SCN8A: variants seen among roughly 807,000 people sequenced by gnomAD.
SCN8A encodes the protein sodium voltage-gated channel alpha subunit 8.
SCN8A carries 30 observed loss-of-function variants against 184.1 expected under a neutral mutation model. That is an observed-to-expected ratio of 0.16 (90% CI 0.12 to 0.22). The LOEUF (loss-of-function observed/expected upper bound fraction) is 0.22. SCN8A is among the 10% of genes least tolerant of loss of function. The pLI is 1.00. For missense variants in SCN8A, 1,057 were observed against 2,498.9 expected (o/e 0.42, Z 12.30); for synonymous variants, 852 against 907.0 (o/e 0.94, Z 1.09).
chr12:51,639,981 C>T (rs1397363953), intron 1 of SCN8A, among the ~76,000 whole-genome samples: 2 of 136,300 alleles, frequency 1.5e-5, no homozygotes, highest in African/African-American at 5.5e-5. Context: ...AATCATGGCC[C>T]ACTGCAGCCT....
intron 26 of SCN8A, among the ~76,000 whole-genome samples, chr12:51,803,762 C>G (rs917787766): frequency 6.6e-6 from 1 of 152,096 alleles, no homozygotes; most frequent in Non-Finnish European, 1.5e-5. Flanking sequence ...AATTGAGAAG[C>G]TGAGAAATCA....
chr12:51,710,550 T>C (rs1565895609), intron 11 of SCN8A, among the ~76,000 whole-genome samples: 1 of 152,088 alleles, frequency 6.6e-6, no homozygotes, highest in Non-Finnish European at 1.5e-5. Context: ...TCCCAGCTAC[T>C]CCGGAGTCTG....
intron 14 of SCN8A, among the ~76,000 whole-genome samples, chr12:51,753,886 A>G (rs961487617): frequency 6.6e-6 from 1 of 152,170 alleles, no homozygotes; most frequent in African/African-American, 2.4e-5. Flanking sequence ...GAATAAGAGG[A>G]TGGAAAAAAA....
chr12:51,607,780 C>G (rs532081615), intron 1 of SCN8A, among the ~76,000 whole-genome samples: 1 of 152,266 alleles, frequency 6.6e-6, no homozygotes, highest in African/African-American at 2.4e-5. Flanking sequence ...ATGAAACCCA[C>G]TTGATCATGG....
intron 1 of SCN8A, among the ~76,000 whole-genome samples, chr12:51,630,209 A>G (rs954306351): frequency 4.2e-4 from 64 of 152,016 alleles, no homozygotes; most frequent in African/African-American, 1.5e-3. Flanking sequence ...AGCACCATCC[A>G]TTTCCAGAAG....
At chr12:51,643,675 C>T (rs958322298) in intron 1 of SCN8A, among the ~76,000 whole-genome samples, 6 of 152,148 alleles carry the variant, frequency 3.9e-5, no homozygotes, top group African/African-American at 1.4e-4. Flanking sequence ...CTCATTCCTG[C>T]TTCAACCAGA....
At chr12:51,640,709 G>A (rs932314696) in intron 1 of SCN8A, among the ~76,000 whole-genome samples, 2 of 152,180 alleles carry the variant, frequency 1.3e-5, no homozygotes, top group Non-Finnish European at 2.9e-5. Flanking sequence ...TGATGTTTCT[G>A]AGGAGAAAGG....
chr12:51,650,766 C>T (rs1940694369), intron 1 of SCN8A, among the ~76,000 whole-genome samples: 1 of 152,148 alleles, frequency 6.6e-6, no homozygotes, highest in African/African-American at 2.4e-5. Context: ...CCGAGACCAG[C>T]TCGGTCGGGG....
At chr12:51,593,607 T>G (rs1939280275) in intron 1 of SCN8A, among the ~76,000 whole-genome samples, 1 of 152,166 alleles carries the variant, frequency 6.6e-6, no homozygotes, top group Non-Finnish European at 1.5e-5. Context: ...TGTATTCAGG[T>G]TTCTTGCTGT....
chr12:51,645,611 A>G (rs1251088823), intron 1 of SCN8A, among the ~76,000 whole-genome samples: 2 of 152,192 alleles, frequency 1.3e-5, no homozygotes, highest in African/African-American at 4.8e-5. Flanking sequence ...TTCTGTACTA[A>G]GAAAAATTCT....
chr12:51,630,406 C>T (rs1940173767), intron 1 of SCN8A, among the ~76,000 whole-genome samples: 1 of 152,058 alleles, frequency 6.6e-6, no homozygotes, highest in Admixed American at 6.6e-5. Flanking sequence ...AGCATAATGT[C>T]TTCAAGGGTG....
chr12:51,616,932 A>C (rs1303150421), intron 1 of SCN8A, among the ~76,000 whole-genome samples: 3 of 152,028 alleles, frequency 2.0e-5, no homozygotes, highest in Non-Finnish European at 4.4e-5. Flanking sequence ...AAAAAAAAAA[A>C]AGTTTTACTG....
intron 21 of SCN8A, among the ~76,000 whole-genome samples, chr12:51,785,674 T>A (rs932972802): frequency 2.6e-5 from 4 of 152,334 alleles, no homozygotes; most frequent in African/African-American, 7.2e-5. Context: ...GCTTTTTTTT[T>A]ATTCCTGAGC....
Position 51,808,028 on chromosome 12 carries a change from T to TAA in SCN8A, c.*599_*600insAA, listed in dbSNP as rs1938767078. 6.0e-6 allele frequency: 1 copy of TAA among 167,716 alleles called. No individual in the cohort carries two copies. Among genetic ancestry groups the TAA allele is most frequent in the Non-Finnish European group, 1.3e-5 (1 of 76,046 alleles). The allele number at this position is 167,716 out of a possible 1,614,324, so 10.4% of individuals were successfully genotyped here. On this transcript the variant is annotated 3_prime_UTR_variant, in exon 27 of 27. Transcript: ENST00000627620. ...AGGTTTCTTCAGGCTGAGGAGGACT[T>TAA]GCTCAGGCCGATTCCAAACATTGTG...
At chr12:51,608,087 C>T (rs1939637228) in intron 1 of SCN8A, among the ~76,000 whole-genome samples, 1 of 142,610 alleles carries the variant, frequency 7.0e-6, no homozygotes, top group African/African-American at 2.6e-5. Context: ...GTGGCGTGAT[C>T]TCGGCTCACT....
chr12:51,643,464 C>A (rs997195575), intron 1 of SCN8A, among the ~76,000 whole-genome samples: 1 of 152,274 alleles, frequency 6.6e-6, no homozygotes, highest in East Asian at 1.9e-4. Context: ...AGGCCCATAA[C>A]CACTTTGATG....
intron 6 of SCN8A, among the ~76,000 whole-genome samples, chr12:51,695,622 A>G (rs1941580145): frequency 1.3e-5 from 2 of 152,194 alleles, no homozygotes; most frequent in Admixed American, 6.5e-5. Context: ...ACAAGGAAGT[A>G]CTTTGTCTCC....
chr12:51,624,941 C>A (rs985316958), intron 1 of SCN8A, among the ~76,000 whole-genome samples: 3 of 151,800 alleles, frequency 2.0e-5, no homozygotes, highest in Non-Finnish European at 1.5e-5. Flanking sequence ...TTTTCCTCTA[C>A]CCCCTTCAGT....
Position 51,806,337 on chromosome 12 carries a change from A to G in SCN8A, c.4851A>G (p.Arg1617=). The G allele has an allele frequency of 2.6e-6, 4 of 1,560,190 alleles. No individual in the cohort carries two copies. The highest frequency in any genetic ancestry group is 1.2e-5 in the South Asian group (1 of 81,168). The change falls in exon 27 of 27, where the codon CGA becomes CGG. Residue 1617 remains arginine, a synonymous_variant. Coordinates refer to ENST00000627620, the MANE Select transcript of SCN8A (RefSeq NM_001330260.2). The surrounding 1 kb of genome is among the most constrained non-coding windows in gnomAD (Gnocchi z 8.7). ...EKYFVSPTLF[R]VIRLARIGRI... ...ACTTTGTTTCCCCAACCCTATTCCG[A>G]GTCATCCGATTGGCCCGTATTGGGC...
Sources: allele counts gnomAD v4.1 joint callset (sites outside exome capture counted in the v4.1 genomes callset), GRCh38; gene constraint gnomAD v4.1.1; non-coding constraint Gnocchi (gnomAD v3.1); transcripts MANE v1.5; gene names NCBI Gene and HGNC (gene_info 2026-07-23, HGNC 2026-07-21).